The following PIK3C2G variants were observed in gnomAD, a reference collection of about 807,000 sequenced individuals.
PIK3C2G encodes phosphatidylinositol 3-kinase C2 domain-containing subunit gamma.
In PIK3C2G, 168 loss-of-function variants were observed where a neutral mutation model predicts 181.1. That is an observed-to-expected ratio of 0.93 (90% CI 0.82 to 1.05). The LOEUF is 1.05. Among genes scored for constraint, PIK3C2G ranks in the 50% least tolerant of loss-of-function variants. PIK3C2G has a pLI of 0.00. For synonymous variants in PIK3C2G, 573 were observed against 592.2 expected (o/e 0.97, Z 0.47); for missense variants, 1,869 against 1,732.8 (o/e 1.08, Z -1.40).
chr12:18,646,921 G>T (rs1591769615), intron 32 of PIK3C2G, among the ~76,000 whole-genome samples: 1 of 151,030 alleles, frequency 6.6e-6, no homozygotes, highest in South Asian at 2.1e-4. Context: ...GAAAAAAAAA[G>T]TCACAAAAAA....
chr12:18,661,709 G>A, the PIK3C2G span, among the ~76,000 whole-genome samples: 5 of 152,182 alleles, frequency 3.3e-5, no homozygotes, highest in African/African-American at 1.2e-4. Context: ...AAAGAAATTA[G>A]GTCAGCCATT....
intron 14 of PIK3C2G, 33 bp from the exon 15 acceptor site, chr12:18,391,089 T>C: frequency 6.4e-7 from 1 of 1,564,520 alleles, no homozygotes; most frequent in East Asian, 2.3e-5. Context: ...TGAGACACCT[T>C]CAACACATGG....
At chr12:18,422,307 G>C (rs2135709382) in intron 17 of PIK3C2G, among the ~76,000 whole-genome samples, 1 of 142,656 alleles carries the variant, frequency 7.0e-6, no homozygotes, top group South Asian at 2.1e-4. Context: ...TAGATAATGT[G>C]ACTAGAAAAA....
intron 32 of PIK3C2G, among the ~76,000 whole-genome samples, chr12:18,644,139 A>T (rs1949992454): frequency 6.6e-6 from 1 of 152,004 alleles, no homozygotes; most frequent in South Asian, 2.1e-4. Flanking sequence ...AAGCTTGTCT[A>T]TTTGACACTT....
rs1254676791 is a variant in PIK3C2G, at chr12:18,362,905, G to C, written c.1748+19G>C. The C allele has an allele frequency of 3.4e-6, 5 of 1,458,910 alleles. No individual in the cohort carries two copies. The Admixed American group carries it at 1.3e-4, about 38-fold the overall frequency. 90.4% of individuals were successfully genotyped at this position (1,458,910 alleles called of 1,614,324 possible). ...ATGAAACGTAAGTTTAATCTTTACT[G>C]TATCTGGATCATTTATGTAATAAAT... On this transcript the variant is annotated intron_variant, in intron 12 of 32. Coordinates refer to ENST00000538779, the MANE Select transcript of PIK3C2G (RefSeq NM_001288772.2).
chr12:18,695,103 A>C, the PIK3C2G span: 1 of 1,600,364 alleles, frequency 6.2e-7, no homozygotes, highest in Non-Finnish European at 8.6e-7. Flanking sequence ...GTATTTTGAC[A>C]TTGTCAGGTA....
At chr12:18,627,531 G>C (rs1480706425) in intron 31 of PIK3C2G, among the ~76,000 whole-genome samples, 1 of 152,116 alleles carries the variant, frequency 6.6e-6, no homozygotes, top group African/African-American at 2.4e-5. Flanking sequence ...GACAGAGATA[G>C]ACCTGTGGAT....
At chr12:18,422,321 A>T (rs991102568) in intron 17 of PIK3C2G, among the ~76,000 whole-genome samples, 3 of 129,174 alleles carry the variant, frequency 2.3e-5, no homozygotes, top group East Asian at 2.1e-4. Context: ...AGAAAAATTT[A>T]AAAAAAAAAC....
intron 13 of PIK3C2G, among the ~76,000 whole-genome samples, chr12:18,376,832 A>G (rs886882066): frequency 8.5e-5 from 13 of 152,176 alleles, no homozygotes; most frequent in Non-Finnish European, 1.5e-4. Context: ...TGCTCTCACC[A>G]TGTGAGACAC....
chr12:18,592,400 T>A (rs1947131617), intron 29 of PIK3C2G, among the ~76,000 whole-genome samples: 1 of 151,808 alleles, frequency 6.6e-6, no homozygotes, highest in Non-Finnish European at 1.5e-5. Flanking sequence ...CAAGACAGAA[T>A]TCACTAAAAA....
intron 26 of PIK3C2G, among the ~76,000 whole-genome samples, chr12:18,554,117 A>G (rs1409833334): frequency 1.3e-5 from 2 of 152,072 alleles, no homozygotes; most frequent in African/African-American, 4.8e-5. Flanking sequence ...AAAATTGTTC[A>G]ACAATTACTT....
intron 30 of PIK3C2G, among the ~76,000 whole-genome samples, chr12:18,596,127 C>T (rs1947347822): frequency 6.6e-6 from 1 of 151,996 alleles, no homozygotes; most frequent in South Asian, 2.1e-4. Context: ...TGAAGGACAC[C>T]TTGATATTCT....
chr12:18,702,503 C>A, the PIK3C2G span, among the ~76,000 whole-genome samples: 1 of 152,052 alleles, frequency 6.6e-6, no homozygotes, highest in African/African-American at 2.4e-5. Flanking sequence ...AAGTTCTTTT[C>A]TCCAGGGAGC....
chr12:18,507,744 T>C (rs550086653), intron 24 of PIK3C2G, among the ~76,000 whole-genome samples: 2 of 152,306 alleles, frequency 1.3e-5, no homozygotes, highest in East Asian at 1.9e-4. Flanking sequence ...CTGGCTTCTG[T>C]ATTGTTCATG....
chr12:18,305,308 G>C (rs1224328171), intron 5 of PIK3C2G, among the ~76,000 whole-genome samples: 1 of 150,868 alleles, frequency 6.6e-6, no homozygotes, highest in African/African-American at 2.4e-5. Flanking sequence ...AAAGCTACTT[G>C]TAAAAATGAC....
chr12:18,341,652 G>T (rs967077714), intron 9 of PIK3C2G, among the ~76,000 whole-genome samples: 2 of 151,822 alleles, frequency 1.3e-5, no homozygotes, highest in African/African-American at 2.4e-5. Context: ...TTTTAAATGT[G>T]AGCCCACCTA....
intron 5 of PIK3C2G, among the ~76,000 whole-genome samples, chr12:18,304,229 C>T (rs1468426101): frequency 2.0e-5 from 3 of 152,066 alleles, no homozygotes; most frequent in Admixed American, 2.0e-4. Context: ...TAAAAAAGTT[C>T]TAACTAATCT....
the PIK3C2G span, chr12:18,701,504 C>T: frequency 6.2e-7 from 1 of 1,613,932 alleles, no homozygotes; most frequent in South Asian, 1.1e-5. Flanking sequence ...ACCTCACCTT[C>T]TTTTTCTTGA....
Position 18,566,337 on chromosome 12 carries a change from G to A in PIK3C2G, c.3903-612G>A, listed in dbSNP as rs1237066152. Among the ~76,000 whole-genome samples the A allele has an allele frequency of 3.3e-5, 5 of 152,282 alleles. No individual in the cohort carries two copies. The East Asian group carries it at 5.8e-4, about 18-fold the overall frequency. ...CTAGGTAGTTCCTAAAAGGGTATAC[G>A]TAGACAGCAAGATATGTTACCAAAT... On this transcript the variant is annotated intron_variant, in intron 28 of 32. Coordinates refer to ENST00000538779, the MANE Select transcript of PIK3C2G (RefSeq NM_001288772.2).
Sources: allele counts gnomAD v4.1 joint callset (sites outside exome capture counted in the v4.1 genomes callset), GRCh38; gene constraint gnomAD v4.1.1; transcripts MANE v1.5; gene names NCBI Gene and HGNC (gene_info 2026-07-23, HGNC 2026-07-21).